Variants in GRXCR2 observed in about 807,000 individuals in gnomAD.
GRXCR2 encodes the protein glutaredoxin and cysteine rich domain containing 2, also known as glutaredoxin domain-containing cysteine-rich protein 2.
In GRXCR2, 23 loss-of-function variants were observed where a neutral mutation model predicts 24.8. The ratio of observed to expected loss-of-function variants is 0.93; its 90% CI spans 0.67 to 1.32. The LOEUF (loss-of-function observed/expected upper bound fraction) is 1.32, where lower values mean the gene tolerates loss of function less well. Ranked by LOEUF, GRXCR2 falls within the 40% of genes most tolerant of loss-of-function variation. GRXCR2 has a pLI of 0.00. For missense variants in GRXCR2, 315 were observed against 303.4 expected (o/e 1.04, Z -0.28); for synonymous variants, 130 against 116.1 (o/e 1.12, Z -0.77).
At chr5:145,925,450 A>C (rs1234119832) in intron 2 of GRXCR2, among the ~76,000 whole-genome samples, 6 of 152,178 alleles carry the variant, frequency 3.9e-5, no homozygotes, top group African/African-American at 1.2e-4. Flanking sequence ...TGGGGCCTAG[A>C]GCTTTTGAAC....
intron 2 of GRXCR2, among the ~76,000 whole-genome samples, chr5:145,917,662 C>G (rs779298799): frequency 7.2e-5 from 11 of 152,138 alleles, no homozygotes; most frequent in Admixed American, 1.3e-4. Context: ...CCACTGACAG[C>G]TTCTAATGAG....
At chr5:145,894,955 T>A (rs866671531) in intron 2 of GRXCR2, among the ~76,000 whole-genome samples, 33 of 152,276 alleles carry the variant, frequency 2.2e-4, no homozygotes, top group Middle Eastern at 6.8e-3. Flanking sequence ...GTCGTCTTCA[T>A]CCCTGGGATG....
chr5:145,873,849 G>T (rs1225537354), upstream of GRXCR2, among the ~76,000 whole-genome samples: 3 of 152,202 alleles, frequency 2.0e-5, no homozygotes, highest in Admixed American at 6.5e-5. Flanking sequence ...TGGCTGGAGT[G>T]AATAGCACAG....
chr5:145,917,853 C>T (rs1757262380), intron 2 of GRXCR2, among the ~76,000 whole-genome samples: 1 of 152,202 alleles, frequency 6.6e-6, no homozygotes, highest in Non-Finnish European at 1.5e-5. Context: ...AATCTTGGCT[C>T]ACTGCAACCT....
At chr5:145,861,608 C>T (rs1189278721) in intron 2 of GRXCR2, among the ~76,000 whole-genome samples, 1 of 152,124 alleles carries the variant, frequency 6.6e-6, no homozygotes, top group Non-Finnish European at 1.5e-5. Flanking sequence ...AGACAGGGAG[C>T]TCTCTGGACT....
At position 145,872,778 on chromosome 5, in the gene GRXCR2, A is replaced by T. The variant is rs1451401625; in HGVS notation, c.191T>A (p.Val64Asp). The T allele has an allele frequency of 3.7e-6, 6 of 1,614,088 alleles. No individual in the cohort carries two copies. Among genetic ancestry groups the T allele is most frequent in the Non-Finnish European group, 4.2e-6 (5 of 1,180,046 alleles). The change falls in exon 1 of 3, where the codon GTT becomes GAT. Residue 64 changes from valine (V) to aspartate (D), a missense_variant. By Grantham distance (152) the Val-to-Asp change is radical (BLOSUM62 -3). Coordinates refer to ENST00000377976, the MANE Select transcript of GRXCR2 (RefSeq NM_001080516.2). ...CCTGGGGACTTCCCCAGACCCATAA[A>T]CACCATCCATTGTTTCAAGAGACTC... ...LQESLETMDG[V>D]YGSGEVPRPQ...
chr5:145,875,980 A>C (rs1365090619), upstream of GRXCR2, among the ~76,000 whole-genome samples: 4 of 151,988 alleles, frequency 2.6e-5, no homozygotes, highest in Non-Finnish European at 5.9e-5. Context: ...CCTGGGCAAC[A>C]AAATGAGACT....
intron 2 of GRXCR2, among the ~76,000 whole-genome samples, chr5:145,883,581 A>T (rs1756735381): frequency 6.6e-6 from 1 of 152,220 alleles, no homozygotes; most frequent in African/African-American, 2.4e-5. Context: ...CTGCAAAAAA[A>T]TTCAATGGGT....
rs1027813660 is a variant in GRXCR2, at chr5:145,860,013, A to C, written c.565-98T>G. 2.3e-4 allele frequency: 225 copies of C among 962,770 alleles called. 2 individuals carry two copies. Among genetic ancestry groups the C allele is most frequent in the Non-Finnish European group, 2.6e-4 (176 of 669,416 alleles). 59.6% of individuals were successfully genotyped at this position (962,770 alleles called of 1,614,324 possible). ...ACTAGACTACAGCAAAGGCTGGGGC[A>C]GAATAGAGGAAAATGCTTCCCACGA... On this transcript the variant is annotated intron_variant, in intron 2 of 2. Transcript: ENST00000377976.
chr5:145,869,545 T>TTC (rs1214243096), intron 1 of GRXCR2, among the ~76,000 whole-genome samples: 4 of 147,074 alleles, frequency 2.7e-5, no homozygotes, highest in Admixed American at 6.9e-5. Flanking sequence ...AAGAGCTTCT[T>TTC]TCTCTCTCTC....
At chr5:145,924,789 A>G (rs1055963441) in intron 2 of GRXCR2, among the ~76,000 whole-genome samples, 2 of 152,188 alleles carry the variant, frequency 1.3e-5, no homozygotes, top group African/African-American at 4.8e-5. Context: ...GTTAATTGTT[A>G]TTATTTATTC....
chr5:145,912,568 T>G (rs983230894), intron 2 of GRXCR2, among the ~76,000 whole-genome samples: 3 of 152,010 alleles, frequency 2.0e-5, no homozygotes, highest in African/African-American at 7.2e-5. Context: ...AACAATTTGA[T>G]AGATGGTGGT....
chr5:145,895,649 A>T lies in GRXCR2; in HGVS notation c.-69-28921T>A, dbSNP rs192459294. On this transcript the variant is annotated intron_variant, in intron 2 of 3. Transcript: ENST00000639411. ...ATAAAAGAGGATAAAAACAAATGGA[A>T]TAACATTCCCTGCTCATGGGTAGGA... Among the ~76,000 whole-genome samples the T allele has an allele frequency of 2.6e-5, 4 of 152,344 alleles. No homozygotes were observed. In the East Asian group the frequency reaches 7.7e-4, roughly 29 times the overall value.
At chr5:145,926,605 G>C (rs991884353) in intron 2 of GRXCR2, among the ~76,000 whole-genome samples, 4 of 152,176 alleles carry the variant, frequency 2.6e-5, no homozygotes, top group Non-Finnish European at 5.9e-5. Flanking sequence ...GTTGGTACCA[G>C]TACCATGCTG....
chr5:145,894,747 A>G (rs1164133491), intron 2 of GRXCR2, among the ~76,000 whole-genome samples: 1 of 152,210 alleles, frequency 6.6e-6, no homozygotes, highest in Non-Finnish European at 1.5e-5. Flanking sequence ...TATTCCAATC[A>G]ATAGAAAAAG....
Position 145,859,451 on chromosome 5 carries a change from A to T in GRXCR2, c.*282T>A. The T allele has an allele frequency of 2.3e-6, 1 of 440,800 alleles. No homozygotes were observed. The highest frequency in any genetic ancestry group is 4.0e-5 in the Admixed American group (1 of 25,306). The allele number at this position is 440,800 out of a possible 1,614,324, so 27.3% of individuals were successfully genotyped here. A position where few individuals can be genotyped will look rare whatever the true frequency, so the allele number is the denominator to read the frequency against. ...GCTCACTGAAGCAAGAAGAAAACTG[A>T]GCTAAGTCAAGTGAGATACACTCAC... is the stretch of plus-strand genomic sequence containing the variant. On this transcript the variant is annotated 3_prime_UTR_variant, in exon 3 of 3. Coordinates refer to ENST00000377976, the MANE Select transcript of GRXCR2 (RefSeq NM_001080516.2).
intron 2 of GRXCR2, among the ~76,000 whole-genome samples, chr5:145,920,339 G>T (rs1006240069): frequency 6.6e-6 from 1 of 152,184 alleles, no homozygotes; most frequent in African/African-American, 2.4e-5. Context: ...TAGAAACCGT[G>T]GGGATGGGCC....
chr5:145,890,040 C>G (rs1290015208), intron 2 of GRXCR2, among the ~76,000 whole-genome samples: 3 of 152,164 alleles, frequency 2.0e-5, no homozygotes, highest in South Asian at 2.1e-4. Context: ...AAAGACCAGA[C>G]TTTTGAACTA....
At chr5:145,923,098 TG>T (rs1757347991) in intron 2 of GRXCR2, among the ~76,000 whole-genome samples, 1 of 152,240 alleles carries the variant, frequency 6.6e-6, no homozygotes, top group Non-Finnish European at 1.5e-5. Context: ...CAGAATCACC[TG>T]AAGTACTTGG....
Sources: allele counts gnomAD v4.1 joint callset (sites outside exome capture counted in the v4.1 genomes callset), GRCh38; gene constraint gnomAD v4.1.1; transcripts MANE v1.5; gene names NCBI Gene and HGNC (gene_info 2026-07-23, HGNC 2026-07-21).